The following RSPH14 variants were observed in gnomAD, a reference collection of about 807,000 sequenced individuals.
The protein encoded by RSPH14 is rhabdoid tumor deletion region gene 1.
RSPH14 carries 20 observed loss-of-function variants against 26.7 expected under a neutral mutation model. The ratio of observed to expected loss-of-function variants is 0.75; its 90% CI spans 0.53 to 1.09. The LOEUF is 1.09. Ranked by LOEUF, RSPH14 falls within the 50% of genes least tolerant of loss-of-function variation. The pLI, the probability that RSPH14 is intolerant of heterozygous loss-of-function variation, is 0.00. For synonymous variants in RSPH14, 177 were observed against 189.3 expected (o/e 0.93, Z 0.53); for missense variants, 449 against 457.2 (o/e 0.98, Z 0.16).
At chr22:23,160,816 C>G in the RSPH14 span, 1 of 1,572,526 alleles carries the variant, frequency 6.4e-7, no homozygotes. Context: ...GCTTTCACAC[C>G]CAGATGCATT....
At chr22:23,162,754 G>A in the RSPH14 span, 1 of 456,262 alleles carries the variant, frequency 2.2e-6, no homozygotes, top group South Asian at 1.5e-5. Flanking sequence ...CTTGCAGGCA[G>A]CCTTCTGATC....
chr22:23,086,531 G>A (rs2068825111), intron 4 of RSPH14, among the ~76,000 whole-genome samples: 1 of 152,206 alleles, frequency 6.6e-6, no homozygotes, highest in Non-Finnish European at 1.5e-5. Context: ...AGCCACCCGA[G>A]CAGGCACACT....
chr22:23,079,995 A>C (rs2068630751), intron 4 of RSPH14, among the ~76,000 whole-genome samples: 1 of 152,116 alleles, frequency 6.6e-6, no homozygotes, highest in African/African-American at 2.4e-5. Flanking sequence ...TCCCCACTCA[A>C]GTGAGGGTTT....
the RSPH14 span, chr22:23,157,989 T>C: frequency 6.2e-7 from 1 of 1,614,216 alleles, no homozygotes; most frequent in Non-Finnish European, 8.5e-7. Flanking sequence ...TCCGGGTGTC[T>C]AGTGATCATC....
At chr22:23,063,382 G>C (rs1308856353) in intron 5 of RSPH14, among the ~76,000 whole-genome samples, 1 of 152,210 alleles carries the variant, frequency 6.6e-6, no homozygotes. Flanking sequence ...GGCCCAGTGT[G>C]AGAACACACA....
At chr22:23,101,624 C>T (rs2069305107) in intron 4 of RSPH14, among the ~76,000 whole-genome samples, 1 of 152,222 alleles carries the variant, frequency 6.6e-6, no homozygotes, top group South Asian at 2.1e-4. Context: ...GCCCTTTTCC[C>T]GACACACACA....
At chr22:23,103,753 G>A (rs2069374573) in intron 4 of RSPH14, among the ~76,000 whole-genome samples, 1 of 152,210 alleles carries the variant, frequency 6.6e-6, no homozygotes, top group African/African-American at 2.4e-5. Flanking sequence ...TGTGGGCCCT[G>A]GGCCTGACAA....
intron 4 of RSPH14, among the ~76,000 whole-genome samples, chr22:23,127,523 A>G (rs58212972): frequency 0.026 from 4,012 of 152,162 alleles, 174 homozygotes; most frequent in African/African-American, 0.091. Context: ...GAGGAGGAGG[A>G]GGCTGCTCTG....
At chr22:23,175,711 C>A in the RSPH14 span, among the ~76,000 whole-genome samples, 1 of 152,222 alleles carries the variant, frequency 6.6e-6, no homozygotes, top group Admixed American at 6.5e-5. Flanking sequence ...GGTGAAGCCC[C>A]CTCCTCCTGC....
chr22:23,069,648 G>A (rs894627556), intron 4 of RSPH14, among the ~76,000 whole-genome samples: 1 of 152,116 alleles, frequency 6.6e-6, no homozygotes, highest in Non-Finnish European at 1.5e-5. Context: ...CCCTCCCAAG[G>A]CCACCCTTCC....
At chr22:23,096,984 G>A (rs2069144325) in intron 4 of RSPH14, among the ~76,000 whole-genome samples, 1 of 152,242 alleles carries the variant, frequency 6.6e-6, no homozygotes, top group African/African-American at 2.4e-5. Flanking sequence ...AGGGTGGGGA[G>A]CCGGGTGAAG....
rs572736817 is a variant in RSPH14, at chr22:23,070,157, C to A, written c.422-6024G>T. ...CCCGCCCCTGTCCGTCCCCATTGGG[C>A]TACTGGCCCGTCCGTCAGCTGCCTG... On this transcript the variant is annotated intron_variant, in intron 4 of 6. Coordinates refer to ENST00000216036, the MANE Select transcript of RSPH14 (RefSeq NM_014433.3). Among the ~76,000 whole-genome samples the A allele has an allele frequency of 3.6e-3, 552 of 152,094 alleles. 6 individuals carry two copies. The highest frequency in any genetic ancestry group is 0.017 in the Middle Eastern group (5 of 292).
At chr22:23,061,563 G>T (rs1469309099) in intron 6 of RSPH14, among the ~76,000 whole-genome samples, 1 of 152,178 alleles carries the variant, frequency 6.6e-6, no homozygotes, top group African/African-American at 2.4e-5. Flanking sequence ...GGAACAGACT[G>T]GTGCGAAGGC....
chr22:23,111,466 G>A (rs1485508116), intron 4 of RSPH14, among the ~76,000 whole-genome samples: 4 of 152,220 alleles, frequency 2.6e-5, no homozygotes, highest in Admixed American at 6.5e-5. Context: ...CTCTGGAAAC[G>A]GAGATGCCAA....
the RSPH14 span, chr22:23,153,031 A>C: frequency 1.2e-6 from 2 of 1,612,152 alleles, no homozygotes. Flanking sequence ...CATCCCCCAC[A>C]GGTTTTGCAA....
chr22:23,091,636 A>G (rs533427193), intron 4 of RSPH14, among the ~76,000 whole-genome samples: 40 of 152,170 alleles, frequency 2.6e-4, no homozygotes, highest in African/African-American at 9.4e-4. Context: ...ATGGACCTGC[A>G]TACACACTGG....
At chr22:23,060,970 G>T (rs755107470) in intron 6 of RSPH14, among the ~76,000 whole-genome samples, 47 of 152,238 alleles carry the variant, frequency 3.1e-4, no homozygotes, top group Non-Finnish European at 5.3e-4. Context: ...AGATAAACAC[G>T]CAGGGGGAGC....
chr22:23,074,527 G>C (rs2068461270), intron 4 of RSPH14, among the ~76,000 whole-genome samples: 1 of 152,188 alleles, frequency 6.6e-6, no homozygotes, highest in African/African-American at 2.4e-5. Context: ...CATGTGGCCA[G>C]AGGGAGAGCA....
chr22:23,104,018 G>A (rs1167905614), intron 4 of RSPH14, among the ~76,000 whole-genome samples: 3 of 152,166 alleles, frequency 2.0e-5, no homozygotes, highest in Non-Finnish European at 4.4e-5. Context: ...AGAGACGGGG[G>A]CCTAGACGTT....
Sources: allele counts gnomAD v4.1 joint callset (sites outside exome capture counted in the v4.1 genomes callset), GRCh38; gene constraint gnomAD v4.1.1; transcripts MANE v1.5; gene names NCBI Gene and HGNC (gene_info 2026-07-23, HGNC 2026-07-21).